The following PTPRS variants were observed in gnomAD, a reference collection of about 807,000 sequenced individuals.
PTPRS encodes protein tyrosine phosphatase receptor type S.
Under a neutral mutation model 215.3 loss-of-function variants are expected in PTPRS, and 63 were observed. That is an observed-to-expected ratio of 0.29 (90% CI 0.24 to 0.36). PTPRS has a LOEUF of 0.36. Among genes scored for constraint, PTPRS ranks in the 10% least tolerant of loss-of-function variants. The pLI, the probability that PTPRS is intolerant of heterozygous loss-of-function variation, is 1.00. For synonymous variants in PTPRS, 1,404 were observed against 1,191.4 expected (o/e 1.18, Z -3.68); for missense variants, 2,258 against 2,825.8 (o/e 0.80, Z 4.56).
intron 1 of PTPRS, among the ~76,000 whole-genome samples, chr19:5,303,603 G>T (rs544790859): frequency 2.0e-5 from 3 of 151,954 alleles, no homozygotes; most frequent in Admixed American, 2.0e-4. Flanking sequence ...GGTGCAGAGA[G>T]GGGGGCTGGT....
At chr19:5,315,750 C>A (rs142051342) in intron 1 of PTPRS, among the ~76,000 whole-genome samples, 42 of 151,586 alleles carry the variant, frequency 2.8e-4, no homozygotes, top group Non-Finnish European at 5.3e-4. Flanking sequence ...TTTCAGCCTT[C>A]TGAGGAGCTC....
intron 1 of PTPRS, among the ~76,000 whole-genome samples, chr19:5,302,901 C>CAAA (rs61244607): frequency 0.076 from 8,541 of 112,388 alleles, 370 homozygotes; most frequent in African/African-American, 0.14. Context: ...ACTAAAAATA[C>CAAA]AAAAAAAAAA....
chr19:5,218,281 TA>T, intron 25 of PTPRS, 138 bp downstream of exon 25: 1 of 719,476 alleles, frequency 1.4e-6, no homozygotes, highest in African/African-American at 1.8e-5. Context: ...GGGTTGGAGG[TA>T]TTTGGGAATC....
chr19:5,263,021 G>C, intron 5 of PTPRS, 49 bp from the exon 6 acceptor site: 1 of 1,517,536 alleles, frequency 6.6e-7, no homozygotes, highest in Non-Finnish European at 9.0e-7. Context: ...GAACGTTAAC[G>C]GGTGGTTACA....
intron 1 of PTPRS, chr19:5,286,469 T>C (rs1355741460): frequency 8.6e-6 from 3 of 347,012 alleles, no homozygotes; most frequent in Admixed American, 3.8e-5. Context: ...CCCACTATGA[T>C]GGTAACAGGA....
intron 11 of PTPRS, among the ~76,000 whole-genome samples, chr19:5,242,920 A>T (rs2044165759): frequency 1.3e-5 from 2 of 152,174 alleles, no homozygotes; most frequent in Middle Eastern, 3.4e-3. Flanking sequence ...GGCTGGCCTC[A>T]ATAAATCCTC....
chr19:5,300,653 C>G (rs1381521273), intron 1 of PTPRS, among the ~76,000 whole-genome samples: 2 of 151,520 alleles, frequency 1.3e-5, no homozygotes, highest in Non-Finnish European at 2.9e-5. Context: ...TGCCTGTAAT[C>G]CCAGCTACTT....
Position 5,220,145 on chromosome 19 carries a change from C to T in PTPRS, c.3559G>A (p.Asp1187Asn). The T allele has an allele frequency of 1.2e-6, 2 of 1,611,240 alleles. No homozygotes were observed. Among genetic ancestry groups the T allele is most frequent in the Non-Finnish European group, 1.7e-6 (2 of 1,178,588 alleles). Residue 1187 changes from aspartate to asparagine, a missense_variant, in exon 22 of 38, where the codon GAC becomes AAC. Asp to Asn is a conservative substitution (Grantham distance 23). Transcript: ENST00000262963. Reference protein sequence around the residue: ...EDMDLEELIQDISRLQRRSLR... With the variant: ...EDMDLEELIQNISRLQRRSLR... The stretch of plus-strand genomic sequence containing the variant: ...CTGCGCCTCTGTAGCCGTGAGATGT[C>T]CTGGATGAGCTGCGGGAACAGAGTC...
rs1486911209 is a variant in PTPRS at position 5,338,233 on chromosome 19, G to C, written c.-95+2431C>G. On this transcript the variant is annotated intron_variant, in intron 1 of 37. Coordinates refer to ENST00000262963, the MANE Select transcript of PTPRS (RefSeq NM_002850.4). The surrounding 1 kb of genome is among the most constrained non-coding windows in gnomAD (Gnocchi z 4.2). ...GTCATCGGCCAGGGTGGCAGAAATA[G>C]AAAAGTGCGTGAGCTCACCAGGCAG... is the stretch of plus-strand genomic sequence containing the variant. 2.0e-5 allele frequency among the ~76,000 whole-genome samples: 3 copies of C among 152,318 alleles called. No homozygotes were observed. Among genetic ancestry groups the C allele is most frequent in the African/African-American group, 7.2e-5 (3 of 41,576 alleles).
At position 5,329,944 on chromosome 19, in the gene PTPRS, G is replaced by A. The variant is rs553363789; in HGVS notation, c.-95+10720C>T. On this transcript the variant is annotated intron_variant, in intron 1 of 37. Coordinates refer to ENST00000262963, the MANE Select transcript of PTPRS (RefSeq NM_002850.4). ...ATACAAAAACTAGCCGCCGAGCATG[G>A]TGGCACATGCCTATAATCCCAGCTA... is the stretch of plus-strand genomic sequence containing the variant. Among the ~76,000 whole-genome samples the A allele has an allele frequency of 3.9e-5, 6 of 151,918 alleles. No individual in the cohort carries two copies. The East Asian group carries it at 7.7e-4, about 20-fold the overall frequency.
chr19:5,251,738 C>T (rs2045103564), intron 9 of PTPRS, among the ~76,000 whole-genome samples: 1 of 152,134 alleles, frequency 6.6e-6, no homozygotes. Flanking sequence ...GGACGCCTGC[C>T]TTCCCGCCCC....
chr19:5,205,805 G>A lies in PTPRS; in HGVS notation c.*969C>T, dbSNP rs1181646766. 6.6e-6 allele frequency among the ~76,000 whole-genome samples: 1 copy of A among 152,052 alleles called. No homozygotes were observed. Among genetic ancestry groups the A allele is most frequent in the East Asian group, 1.9e-4 (1 of 5,166 alleles). ...CCTCTCTGTCTCCTTGGGGGCGGGAGACGGGGAGACAGCTCAGGCTCTCAG... is the reference window on the plus strand; with the variant it reads ...CCTCTCTGTCTCCTTGGGGGCGGGAAACGGGGAGACAGCTCAGGCTCTCAG... On this transcript the variant is annotated 3_prime_UTR_variant, in exon 38 of 38. Transcript: ENST00000262963.
chr19:5,323,089 G>A (rs1600124014), intron 1 of PTPRS, among the ~76,000 whole-genome samples: 2 of 152,190 alleles, frequency 1.3e-5, no homozygotes, highest in East Asian at 3.9e-4. Context: ...GGGAGAGGTG[G>A]CTCACGCCTC....
chr19:5,278,599 G>A (rs1032184139), intron 2 of PTPRS, among the ~76,000 whole-genome samples: 2 of 151,776 alleles, frequency 1.3e-5, no homozygotes, highest in Non-Finnish European at 2.9e-5. Context: ...TGCCTCAGCC[G>A]CCCAAGTAGC....
At chr19:5,241,816 C>T (rs2044063355) in intron 11 of PTPRS, among the ~76,000 whole-genome samples, 1 of 152,082 alleles carries the variant, frequency 6.6e-6, no homozygotes, top group South Asian at 2.1e-4. Flanking sequence ...GAGACTGGCC[C>T]ACTGCCTTAG....
intron 1 of PTPRS, among the ~76,000 whole-genome samples, chr19:5,305,742 A>AATAC (rs1332921429): frequency 1.3e-5 from 1 of 74,744 alleles, no homozygotes; most frequent in South Asian, 3.4e-4. Context: ...AAAATAAATA[A>AATAC]ATAAATATAT....
At chr19:5,208,184 A>T (rs1230124594) in intron 36 of PTPRS, 53 bp downstream of exon 36, 1 of 1,556,654 alleles carries the variant, frequency 6.4e-7, no homozygotes, top group African/African-American at 1.4e-5. Flanking sequence ...TGTCCCCACC[A>T]GGCCTCAGTT....
rs2045694421 is a variant in PTPRS at position 5,257,926 on chromosome 19, G to C, written c.706+91C>G. On this transcript the variant is annotated intron_variant, in intron 8 of 37. Coordinates refer to ENST00000262963, the MANE Select transcript of PTPRS (RefSeq NM_002850.4). This position sits in a 1 kb window ranked among gnomAD's most constrained non-coding sequence, Gnocchi z 4.4. ...GGCCTTCCTGCTTGGGTGTGCAGGG[G>C]ACGGGGGAGCCCGGAGGCGGTGAGC... 8 of 1,134,936 alleles carry C rather than the reference G, an allele frequency of 7.0e-6. No individual in the cohort carries two copies. Among genetic ancestry groups the C allele is most frequent in the South Asian group, 1.4e-5 (1 of 72,612 alleles). The allele number at this position is 1,134,936 out of a possible 1,614,324, so 70.3% of individuals were successfully genotyped here.
intron 17 of PTPRS, among the ~76,000 whole-genome samples, chr19:5,224,908 G>A (rs1164099117): frequency 3.9e-5 from 6 of 152,112 alleles, no homozygotes; most frequent in African/African-American, 1.2e-4. Flanking sequence ...AAGGGTCCCC[G>A]AGGAGAGGGT....
Sources: gnomAD v4.1 joint callset for allele counts (sites outside exome capture counted in the v4.1 genomes callset) on GRCh38, gnomAD v4.1.1 for gene constraint, Gnocchi (gnomAD v3.1) non-coding constraint, MANE v1.5 for transcripts, NCBI Gene and HGNC (gene_info 2026-07-23, HGNC 2026-07-21) for gene names.